NAV2: variants seen among roughly 807,000 people sequenced by gnomAD.
NAV2 encodes the protein neuron navigator 2.
A neutral mutation model predicts 223.2 loss-of-function variants in NAV2; 54 were observed. That is an observed-to-expected ratio of 0.24 (90% CI 0.19 to 0.30). The LOEUF (loss-of-function observed/expected upper bound fraction) is 0.30. NAV2 is among the 10% of genes least tolerant of loss of function. The pLI is 1.00. For missense variants in NAV2, 2,806 were observed against 3,147.5 expected, an observed-to-expected ratio of 0.89 and a Z score of 2.60; for synonymous variants, 1,279 against 1,239.3, an observed-to-expected ratio of 1.03 and a Z score of -0.67.
At chr11:19,859,137 CTTTTTTTTTTTTTTTTTT>C (rs569446282) in intron 3 of NAV2, among the ~76,000 whole-genome samples, 2 of 107,108 alleles carry the variant, frequency 1.9e-5, no homozygotes, top group African/African-American at 3.4e-5. Flanking sequence ...ATCATATTCT[CTTTTTTTTTTTTTTTTTT>C]TTTTATTGAT....
intron 6 of NAV2, among the ~76,000 whole-genome samples, chr11:19,908,419 G>T (rs1307441285): frequency 2.0e-5 from 3 of 152,140 alleles, no homozygotes; most frequent in Non-Finnish European, 4.4e-5. Context: ...TAACTCTCCA[G>T]CACCAGGAGG....
intron 1 of NAV2, among the ~76,000 whole-genome samples, chr11:19,703,235 C>T (rs546260641): frequency 1.3e-5 from 2 of 152,154 alleles, no homozygotes; most frequent in Non-Finnish European, 2.9e-5. Context: ...TTAGCACAGA[C>T]CTTCATGAGT....
chr11:19,726,377 A>G (rs895533628), intron 1 of NAV2, among the ~76,000 whole-genome samples: 2 of 152,162 alleles, frequency 1.3e-5, no homozygotes, highest in African/African-American at 2.4e-5. Flanking sequence ...CCTTAGAACT[A>G]TATCACAAAG....
chr11:19,405,173 G>C (rs1849841736), intron 1 of NAV2, among the ~76,000 whole-genome samples: 1 of 152,200 alleles, frequency 6.6e-6, no homozygotes, highest in Non-Finnish European at 1.5e-5. Context: ...GTACACGAAG[G>C]CTGCTGGTCT....
At chr11:19,760,978 C>T (rs1231063650) in intron 1 of NAV2, among the ~76,000 whole-genome samples, 3 of 152,090 alleles carry the variant, frequency 2.0e-5, no homozygotes, top group Admixed American at 6.5e-5. Context: ...TCTTCTGTTT[C>T]GGGGAATAAA....
intron 1 of NAV2, among the ~76,000 whole-genome samples, chr11:19,750,908 C>T (rs954917047): frequency 1.3e-5 from 2 of 152,142 alleles, no homozygotes; most frequent in Non-Finnish European, 2.9e-5. Context: ...ATGTATGCTT[C>T]ATCTGATTCC....
chr11:20,097,895 G>A, intron 31 of NAV2, 150 bp downstream of exon 31: 1 of 666,442 alleles, frequency 1.5e-6, no homozygotes, highest in Non-Finnish European at 2.4e-6. Flanking sequence ...TATGCAAGTT[G>A]AACCGTCTTT....
At chr11:19,834,112 A>G (rs1304832940) in intron 2 of NAV2, among the ~76,000 whole-genome samples, 1 of 152,230 alleles carries the variant, frequency 6.6e-6, no homozygotes, top group Admixed American at 6.5e-5. Flanking sequence ...CATGAATACC[A>G]AAGTGCAGGC....
At chr11:19,550,526 T>G (rs2134642561) in intron 1 of NAV2, among the ~76,000 whole-genome samples, 1 of 152,330 alleles carries the variant, frequency 6.6e-6, no homozygotes, top group South Asian at 2.1e-4. Context: ...CAGGGTGGAT[T>G]CTGGAGCAGA....
chr11:19,463,816 G>A (rs948349665), intron 1 of NAV2, among the ~76,000 whole-genome samples: 1 of 152,160 alleles, frequency 6.6e-6, no homozygotes, highest in African/African-American at 2.4e-5. Flanking sequence ...GACAGAGTGT[G>A]GGGGCAGGGG....
Position 19,998,998 on chromosome 11 carries a change from G to C in NAV2, c.2768+14751G>C, listed in dbSNP as rs542667561. 1.3e-5 allele frequency among the ~76,000 whole-genome samples: 2 copies of C among 152,350 alleles called. No homozygotes were observed. Among genetic ancestry groups the C allele is most frequent in the African/African-American group, 4.8e-5 (2 of 41,590 alleles). Reference sequence around the variant, plus strand: ...TCTCCCAGCACAGGGCCCGTCCAGAGAGGGTGCTTATTACATATACCATGA... The same window carrying C: ...TCTCCCAGCACAGGGCCCGTCCAGACAGGGTGCTTATTACATATACCATGA... On this transcript the variant is annotated intron_variant, in intron 11 of 37. Transcript: ENST00000349880. The surrounding 1 kb of genome is among the most constrained non-coding windows in gnomAD (Gnocchi z 5.0).
chr11:20,090,910 C>G lies in NAV2; in HGVS notation c.5544C>G (p.Leu1848=), dbSNP rs1156564459. The part of the protein sequence containing the change: ...MDSEAETVMQ[L]RNELRDKEMK... ...GTGAAGCTGAGACCGTCATGCAGCT[C>G]CGAAATGAGTTAAGAGACAAGGAGA... Residue 1848 remains leucine, a synonymous_variant, in exon 27 of 38, where the codon CTC becomes CTG. Coordinates refer to ENST00000349880, the MANE Select transcript of NAV2 (RefSeq NM_145117.5). 2 of 1,613,976 alleles carry G rather than the reference C, an allele frequency of 1.2e-6. No homozygotes were observed. The highest frequency in any genetic ancestry group is 8.5e-7 in the Non-Finnish European group (1 of 1,179,902).
intron 30 of NAV2, 56 bp from the exon 31 acceptor site, chr11:20,097,521 C>A: frequency 1.4e-6 from 2 of 1,386,330 alleles, no homozygotes; most frequent in African/African-American, 1.4e-5. Context: ...AAACATGAGT[C>A]ATGGGCAGAT....
At chr11:19,872,075 G>T (rs7934251) in intron 4 of NAV2, among the ~76,000 whole-genome samples, 1 of 151,954 alleles carries the variant, frequency 6.6e-6, no homozygotes, top group East Asian at 1.9e-4. Context: ...ATTCCTTTGG[G>T]AAAGTGGCCC....
intron 5 of NAV2, among the ~76,000 whole-genome samples, chr11:19,886,873 C>A (rs1295547984): frequency 6.6e-6 from 1 of 152,142 alleles, no homozygotes; most frequent in Non-Finnish European, 1.5e-5. Flanking sequence ...AGTGTCATAT[C>A]CCCTACTTAG....
intron 1 of NAV2, among the ~76,000 whole-genome samples, chr11:19,677,763 A>C (rs2048755837): frequency 6.6e-6 from 1 of 152,230 alleles, no homozygotes; most frequent in South Asian, 2.1e-4. Flanking sequence ...CGTTTTTGTA[A>C]ATACGGTTTT....
At chr11:20,003,758 G>A (rs2052783715) in intron 11 of NAV2, among the ~76,000 whole-genome samples, 1 of 152,156 alleles carries the variant, frequency 6.6e-6, no homozygotes, top group Admixed American at 6.5e-5. Flanking sequence ...CAGGGCTGTG[G>A]GCATGAAGCA....
intron 1 of NAV2, among the ~76,000 whole-genome samples, chr11:19,773,786 T>G (rs1217368789): frequency 6.6e-6 from 1 of 152,114 alleles, no homozygotes; most frequent in Non-Finnish European, 1.5e-5. Context: ...TCTCTTCCAC[T>G]CACCTCTTCT....
Position 20,027,419 on chromosome 11 carries a change from G to A in NAV2, c.2769-8540G>A, listed in dbSNP as rs1268948093. On this transcript the variant is annotated intron_variant, in intron 11 of 37. Transcript: ENST00000349880. ...CTGGCGGGGGGCATGGGCCAGCCCT[G>A]TAAATGGGCTGTGCCTTGATTCTGG... 8 of 985,446 alleles carry A rather than the reference G, an allele frequency of 8.1e-6. No individual in the cohort carries two copies. In the East Asian group the frequency reaches 5.7e-4, roughly 70 times the overall value. The allele number at this position is 985,446 out of a possible 1,614,324, so 61.0% of individuals were successfully genotyped here.
Sources: allele counts gnomAD v4.1 joint callset (sites outside exome capture counted in the v4.1 genomes callset), GRCh38; gene constraint gnomAD v4.1.1; non-coding constraint Gnocchi (gnomAD v3.1); transcripts MANE v1.5; gene names NCBI Gene and HGNC (gene_info 2026-07-23, HGNC 2026-07-21).